The following ATXN1 variants were observed in gnomAD, a reference collection of about 807,000 sequenced individuals.
ATXN1 encodes the protein ataxin-1.
Under a neutral mutation model 56.4 loss-of-function variants are expected in ATXN1, and 8 were observed. That is an observed-to-expected ratio of 0.14 (90% CI 0.08 to 0.26). The LOEUF is 0.26. Among genes scored for constraint, ATXN1 ranks in the 10% least tolerant of loss-of-function variants. The pLI is 1.00. For missense variants in ATXN1, 987 were observed against 1,106.5 expected (o/e 0.89, Z 1.53); for synonymous variants, 514 against 494.6 (o/e 1.04, Z -0.52).
chr6:16,510,983 A>G lies in ATXN1; in HGVS notation c.-299+11644T>C, dbSNP rs370146255. ...GGTTGGCTGTGAAAATATGTGCATC[A>G]AAGTTTTAAAGAGTTTTCTGTCACA... On this transcript the variant is annotated intron_variant, in intron 5 of 7. Coordinates refer to ENST00000436367, the MANE Select transcript of ATXN1 (RefSeq NM_001128164.2). 4.6e-5 allele frequency among the ~76,000 whole-genome samples: 7 copies of G among 152,360 alleles called. No individual in the cohort carries two copies. In the East Asian group the frequency reaches 1.3e-3, roughly 29 times the overall value.
At chr6:16,364,569 C>T (rs1761877579) in intron 6 of ATXN1, among the ~76,000 whole-genome samples, 1 of 152,172 alleles carries the variant, frequency 6.6e-6, no homozygotes, top group Non-Finnish European at 1.5e-5. Context: ...TCCCAATGTG[C>T]TGGGATTACA....
At chr6:16,594,972 A>G (rs1194809482) in intron 3 of ATXN1, among the ~76,000 whole-genome samples, 1 of 152,212 alleles carries the variant, frequency 6.6e-6, no homozygotes, top group Non-Finnish European at 1.5e-5. Context: ...AATAATTTGA[A>G]GACTCCCCAT....
In ATXN1 at chr6:16,671,305, C is replaced by CTTT. The variant is rs142311437; in HGVS notation, c.-614-13407_-614-13405dup. Among the ~76,000 whole-genome samples, 34 of 73,478 alleles carry CTTT rather than the reference C, an allele frequency of 4.6e-4. 7 individuals are homozygous for CTTT. Among genetic ancestry groups the CTTT allele is most frequent in the African/African-American group, 6.2e-4 (8 of 12,848 alleles). 48.2% of individuals were successfully genotyped at this position (73,478 alleles called of 152,430 possible). A position where few individuals can be genotyped will look rare whatever the true frequency, so the allele number is the denominator to read the frequency against. ...TGTACACAATTGGCACTTTTCTTTT[C>CTTT]TTTCTTTTTTTTTTTTTTTGCAGTA... On this transcript the variant is annotated intron_variant, in intron 2 of 7. Coordinates refer to ENST00000436367, the MANE Select transcript of ATXN1 (RefSeq NM_001128164.2).
At chr6:16,623,346 C>T (rs1443290538) in intron 3 of ATXN1, among the ~76,000 whole-genome samples, 1 of 151,002 alleles carries the variant, frequency 6.6e-6, no homozygotes, top group Non-Finnish European at 1.5e-5. Context: ...ACATGAAATG[C>T]CATTTTTCAA....
chr6:16,591,281 C>G (rs1378008421), intron 3 of ATXN1, among the ~76,000 whole-genome samples: 1 of 152,152 alleles, frequency 6.6e-6, no homozygotes, highest in Non-Finnish European at 1.5e-5. Flanking sequence ...TACCATGAGA[C>G]TATTAAACTC....
In ATXN1 at chr6:16,551,221, C is replaced by T. The variant is rs1240725825; in HGVS notation, c.-360-28533G>A. Reference sequence around the variant, plus strand: ...CGGATCCCAGCGCTGTGAAGGAGGCCAGTCTAGACGGGCTCCCATATCCCT... The same window carrying T: ...CGGATCCCAGCGCTGTGAAGGAGGCTAGTCTAGACGGGCTCCCATATCCCT... On this transcript the variant is annotated intron_variant, in intron 4 of 7. Coordinates refer to ENST00000436367, the MANE Select transcript of ATXN1 (RefSeq NM_001128164.2). 2.6e-5 allele frequency among the ~76,000 whole-genome samples: 4 copies of T among 152,158 alleles called. 1 individual carries two copies. In the East Asian group the frequency reaches 7.7e-4, roughly 29 times the overall value.
At chr6:16,604,754 TAAAA>T (rs35893990) in intron 3 of ATXN1, among the ~76,000 whole-genome samples, 2 of 144,188 alleles carry the variant, frequency 1.4e-5, no homozygotes, top group Non-Finnish European at 3.1e-5. Flanking sequence ...CCTGGCTGAT[TAAAA>T]AAAAAAAATG....
At chr6:16,418,696 T>C (rs1011035283) in intron 6 of ATXN1, among the ~76,000 whole-genome samples, 10 of 137,726 alleles carry the variant, frequency 7.3e-5, no homozygotes, top group Non-Finnish European at 1.1e-4. Flanking sequence ...CTCCTAATGC[T>C]GTCCCTCCCC....
At chr6:16,416,735 C>G (rs1281369860) in intron 6 of ATXN1, among the ~76,000 whole-genome samples, 3 of 152,214 alleles carry the variant, frequency 2.0e-5, no homozygotes. Context: ...ATCACATTTT[C>G]ACCGCTTAGT....
intron 6 of ATXN1, among the ~76,000 whole-genome samples, chr6:16,341,514 ATT>A (rs1180798356): frequency 0.02 from 2,403 of 122,562 alleles, 38 homozygotes; most frequent in African/African-American, 0.069. Flanking sequence ...GGTATAGAGG[ATT>A]TTTTTTTTTT....
At chr6:16,672,618 C>A (rs1219193921) in intron 2 of ATXN1, among the ~76,000 whole-genome samples, 1 of 152,112 alleles carries the variant, frequency 6.6e-6, no homozygotes, top group Non-Finnish European at 1.5e-5. Flanking sequence ...GAAGAAGTGT[C>A]AGAGGAAGAT....
At chr6:16,654,771 G>GCAAA (rs1561795094) in intron 3 of ATXN1, among the ~76,000 whole-genome samples, 2 of 152,252 alleles carry the variant, frequency 1.3e-5, no homozygotes, top group South Asian at 2.1e-4. Flanking sequence ...AAAACCACCA[G>GCAAA]CAAACAGGTA....
At chr6:16,726,156 G>A (rs770760587) in intron 2 of ATXN1, among the ~76,000 whole-genome samples, 2 of 152,144 alleles carry the variant, frequency 1.3e-5, no homozygotes, top group Non-Finnish European at 1.5e-5. Context: ...CAAGGCAGGC[G>A]GATCACCTGA....
intron 4 of ATXN1, among the ~76,000 whole-genome samples, chr6:16,576,396 T>C (rs1487976609): frequency 6.6e-6 from 1 of 152,150 alleles, no homozygotes; most frequent in Non-Finnish European, 1.5e-5. Context: ...ACATTCTTCA[T>C]CCAAAGCATT....
chr6:16,718,559 T>C (rs1000484530), intron 2 of ATXN1, among the ~76,000 whole-genome samples: 2 of 152,236 alleles, frequency 1.3e-5, no homozygotes, highest in South Asian at 2.1e-4. Context: ...TTACTTCCCA[T>C]TTGCAAAGCG....
intron 4 of ATXN1, among the ~76,000 whole-genome samples, chr6:16,531,588 A>G (rs2113706776): frequency 6.7e-6 from 1 of 148,306 alleles, no homozygotes; most frequent in Non-Finnish European, 1.5e-5. Context: ...ATGCCATTGC[A>G]CTCCAGCCTG....
chr6:16,411,388 C>T (rs144034010), intron 6 of ATXN1, among the ~76,000 whole-genome samples: 1 of 152,064 alleles, frequency 6.6e-6, no homozygotes, highest in Non-Finnish European at 1.5e-5. Context: ...ATCTGTAGTA[C>T]ATTAGTAAGT....
At chr6:16,400,197 T>C (rs1439143631) in intron 6 of ATXN1, among the ~76,000 whole-genome samples, 2 of 152,200 alleles carry the variant, frequency 1.3e-5, no homozygotes, top group African/African-American at 4.8e-5. Flanking sequence ...TTATTTCCAC[T>C]CTGCCCTCTG....
intron 3 of ATXN1, among the ~76,000 whole-genome samples, chr6:16,651,800 G>A (rs1763899128): frequency 6.6e-6 from 1 of 152,254 alleles, no homozygotes; most frequent in Non-Finnish European, 1.5e-5. Flanking sequence ...GTGCAGAGTT[G>A]ATGAGGACAT....
Sources: allele counts gnomAD v4.1 joint callset (sites outside exome capture counted in the v4.1 genomes callset), GRCh38; gene constraint gnomAD v4.1.1; transcripts MANE v1.5; gene names NCBI Gene and HGNC (gene_info 2026-07-23, HGNC 2026-07-21).